The following CENPC variants were observed in gnomAD, a reference collection of about 807,000 sequenced individuals.
CENPC encodes the protein centromere protein C.
A neutral mutation model predicts 112.1 loss-of-function variants in CENPC; 63 were observed. The ratio of observed to expected loss-of-function variants is 0.56; its 90% CI spans 0.46 to 0.69. The LOEUF is 0.69. Among genes scored for constraint, CENPC ranks in the 30% least tolerant of loss-of-function variants. The pLI, the probability that CENPC is intolerant of heterozygous loss-of-function variation, is 0.00. For synonymous variants in CENPC, 333 were observed against 367.6 expected, an observed-to-expected ratio of 0.91 and a Z score of 1.08; for missense variants, 1,000 against 1,103.8, an observed-to-expected ratio of 0.91 and a Z score of 1.33.
chr4:67,533,736 A>G (rs1726627943), intron 4 of CENPC, among the ~76,000 whole-genome samples: 1 of 152,162 alleles, frequency 6.6e-6, no homozygotes, highest in Admixed American at 6.5e-5. Flanking sequence ...ATTGCAAGAC[A>G]CCACTAAAAA....
Position 67,541,016 on chromosome 4 carries a change from C to A in CENPC, c.100G>T (p.Val34Phe), listed in dbSNP as rs1277890023. 6.2e-7 allele frequency: 1 copy of A among 1,610,204 alleles called. No homozygotes were observed. Among genetic ancestry groups the A allele is most frequent in the Non-Finnish European group, 8.5e-7 (1 of 1,178,142 alleles). Residue 34 changes from valine to phenylalanine, a missense_variant, in exon 3 of 19, where the codon GTT becomes TTT. Physicochemically the swap from Val to Phe is conservative, Grantham distance 50. Transcript: ENST00000273853. ...AAACAGTCTTGTAAGATTTCCAGAA[C>A]ATTCTGGCCTTGCTCTGTGTTAATG... Reference protein sequence around the residue: ...RDINTEQGQNVLEILQDCFEE... With the variant: ...RDINTEQGQNFLEILQDCFEE...
In CENPC at chr4:67,508,666, T is replaced by C; in HGVS notation, c.1904+148A>G. On this transcript the variant is annotated intron_variant, in intron 10 of 18. Transcript: ENST00000273853. ...CTACTTTGCCTGTGTGTCATCCAGCTAATGGTAGAGGCTGGATTTAATACC... is the reference window on the plus strand; with the variant it reads ...CTACTTTGCCTGTGTGTCATCCAGCCAATGGTAGAGGCTGGATTTAATACC... 7 of 694,006 alleles carry C rather than the reference T, an allele frequency of 1.0e-5. 1 individual carries two copies. The South Asian group carries it at 1.4e-4, about 14-fold the overall frequency. The allele number at this position is 694,006 out of a possible 1,614,324, so 43.0% of individuals were successfully genotyped here.
At chr4:67,496,997 T>C (rs1320580077) in intron 12 of CENPC, among the ~76,000 whole-genome samples, 1 of 150,114 alleles carries the variant, frequency 6.7e-6, no homozygotes, top group East Asian at 2.0e-4. Context: ...TCGGAGGCAG[T>C]GTCAGAGTGA....
intron 4 of CENPC, among the ~76,000 whole-genome samples, chr4:67,536,616 C>T (rs1475596760): frequency 1.3e-5 from 2 of 151,824 alleles, no homozygotes; most frequent in Non-Finnish European, 2.9e-5. Flanking sequence ...AAATTTCATT[C>T]CTTATGTGGA....
At chr4:67,541,867 C>T (rs533467203) in intron 2 of CENPC, among the ~76,000 whole-genome samples, 23 of 152,286 alleles carry the variant, frequency 1.5e-4, no homozygotes, top group African/African-American at 4.6e-4. Flanking sequence ...CATTCCTAAC[C>T]TCTGGCAACC....
chr4:67,524,048 G>A (rs928372431), intron 5 of CENPC, among the ~76,000 whole-genome samples: 2 of 151,314 alleles, frequency 1.3e-5, no homozygotes, highest in African/African-American at 4.9e-5. Flanking sequence ...CAGAAGGATG[G>A]GAAAAAATAA....
intron 17 of CENPC, among the ~76,000 whole-genome samples, chr4:67,481,508 C>T (rs897650164): frequency 2.0e-5 from 3 of 152,124 alleles, no homozygotes; most frequent in Non-Finnish European, 4.4e-5. Flanking sequence ...TCAAACTATA[C>T]TATAAACATA....
chr4:67,508,841 G>A lies in CENPC; in HGVS notation c.1877C>T (p.Ala626Val). 1 of 1,613,220 alleles carries A rather than the reference G, an allele frequency of 6.2e-7. No individual in the cohort carries two copies. The highest frequency in any genetic ancestry group is 1.3e-5 in the African/African-American group (1 of 74,936). Residue 626 changes from alanine to valine, a missense_variant, in exon 10 of 19, where the codon GCT becomes GTT. Coordinates refer to ENST00000273853, the MANE Select transcript of CENPC (RefSeq NM_001812.4). ...AGAACAATCAAGATTTTTCTTCTTA[G>A]CCAAGTCTGCCTCATCACTTTCCAA... is the stretch of plus-strand genomic sequence containing the variant. ...EPLESDEADL[A>V]KKKNLDCSRS...
At chr4:67,525,163 T>C (rs904181400) in intron 5 of CENPC, among the ~76,000 whole-genome samples, 1 of 152,184 alleles carries the variant, frequency 6.6e-6, no homozygotes, top group Admixed American at 6.5e-5. Context: ...TTACACCTTA[T>C]ACAAAAATTA....
At chr4:67,509,207 T>TACACACACACACAC (rs36207189) in intron 9 of CENPC, 102 bp from the exon 10 acceptor site, 174 of 486,092 alleles carry the variant, frequency 3.6e-4, no homozygotes, top group African/African-American at 7.8e-4. Context: ...CATATACACA[T>TACACACACACACAC]ACACACACAC....
Position 67,511,096 on chromosome 4 carries a change from C to A in CENPC, c.1612+1306G>T, listed in dbSNP as rs185674500. ...AACACTTCAATACTAACATATGCCA[C>A]CTACTATGCTAATTGCATTTAAACC... On this transcript the variant is annotated intron_variant, in intron 9 of 18. Transcript: ENST00000273853. 92 of 455,226 alleles carry A rather than the reference C, an allele frequency of 2.0e-4. No individual in the cohort carries two copies. The East Asian group carries it at 2.9e-3, about 14-fold the overall frequency. The allele number at this position is 455,226 out of a possible 1,614,324, so 28.2% of individuals were successfully genotyped here.
intron 17 of CENPC, among the ~76,000 whole-genome samples, chr4:67,485,306 T>A (rs181977392): frequency 1.2e-3 from 185 of 152,330 alleles, no homozygotes; most frequent in African/African-American, 4.3e-3. Context: ...GGCTTTCATA[T>A]TCAAACATGC....
intron 12 of CENPC, among the ~76,000 whole-genome samples, chr4:67,503,931 A>T (rs566084469): frequency 6.6e-6 from 1 of 152,142 alleles, no homozygotes; most frequent in South Asian, 2.1e-4. Context: ...TTTAACATAC[A>T]CCTGATATTA....
intron 5 of CENPC, among the ~76,000 whole-genome samples, chr4:67,525,564 A>T (rs529075059): frequency 2.6e-5 from 4 of 152,220 alleles, no homozygotes; most frequent in South Asian, 2.1e-4. Context: ...AAACATAATT[A>T]AAAAAAAGCT....
chr4:67,494,100 T>C, intron 13 of CENPC, 112 bp from the exon 14 acceptor site: 1 of 537,584 alleles, frequency 1.9e-6, no homozygotes, highest in Non-Finnish European at 3.1e-6. Flanking sequence ...AACATGAATA[T>C]TTTTCTAGAC....
At chr4:67,525,214 C>T (rs953157749) in intron 5 of CENPC, among the ~76,000 whole-genome samples, 1 of 152,158 alleles carries the variant, frequency 6.6e-6, no homozygotes, top group Non-Finnish European at 1.5e-5. Flanking sequence ...GACCTAACAT[C>T]ATAAAAACCC....
At chr4:67,529,130 C>G (rs1337120897) in intron 5 of CENPC, among the ~76,000 whole-genome samples, 1 of 152,130 alleles carries the variant, frequency 6.6e-6, no homozygotes, top group African/African-American at 2.4e-5. Flanking sequence ...GGAGAAAAGT[C>G]TATACACAGA....
chr4:67,471,639 CAG>C lies in CENPC; in HGVS notation c.*964_*965del, dbSNP rs1190410687. The C allele has an allele frequency of 6.6e-6, 1 of 151,956 alleles. No homozygotes were observed. The highest frequency in any genetic ancestry group is 2.4e-5 in the African/African-American group (1 of 41,366). The allele number at this position is 151,956 out of a possible 1,614,324, so 9.4% of individuals were successfully genotyped here. A position where few individuals can be genotyped will look rare whatever the true frequency, so the allele number is the denominator to read the frequency against. On this transcript the variant is annotated 3_prime_UTR_variant, in exon 19 of 19. Coordinates refer to ENST00000273853, the MANE Select transcript of CENPC (RefSeq NM_001812.4). ...ACTTCATTCTTCCTAAGTCCTACAC[CAG>C]AGTTGCTTTAAATGTGTGTATTTAA...
At chr4:67,508,265 TA>T (rs1725790462) in intron 10 of CENPC, among the ~76,000 whole-genome samples, 1 of 152,092 alleles carries the variant, frequency 6.6e-6, no homozygotes, top group Admixed American at 6.6e-5. Context: ...TTTGAATCTC[TA>T]CTTTGGGAGC....
Sources: allele counts gnomAD v4.1 joint callset (sites outside exome capture counted in the v4.1 genomes callset), GRCh38; gene constraint gnomAD v4.1.1; transcripts MANE v1.5; gene names NCBI Gene and HGNC (gene_info 2026-07-23, HGNC 2026-07-21).